The following KATNAL2 variants were observed in gnomAD, a reference collection of about 807,000 sequenced individuals.
KATNAL2 encodes the protein katanin catalytic subunit A1 like 2.
In KATNAL2, 52 loss-of-function variants were observed where a neutral mutation model predicts 76.3. The ratio of observed to expected loss-of-function variants is 0.68; its 90% CI spans 0.55 to 0.86. The LOEUF is 0.86. KATNAL2 is among the 40% of genes least tolerant of loss of function. The pLI is 0.00. For synonymous variants in KATNAL2, 243 were observed against 244.2 expected, an observed-to-expected ratio of 1.00 and a Z score of 0.05; for missense variants, 660 against 668.9, an observed-to-expected ratio of 0.99 and a Z score of 0.15.
intron 3 of KATNAL2, among the ~76,000 whole-genome samples, chr18:46,958,306 G>A (rs1431196592): frequency 6.6e-6 from 1 of 151,760 alleles, no homozygotes; most frequent in Admixed American, 6.6e-5. Context: ...CAGATCTTGG[G>A]ACCTGTCAGC....
chr18:46,951,242 T>G (rs1192591640), intron 3 of KATNAL2, among the ~76,000 whole-genome samples: 1 of 152,144 alleles, frequency 6.6e-6, no homozygotes, highest in African/African-American at 2.4e-5. Context: ...TTTGGTTATA[T>G]TTTATATTTT....
rs1437168564 is a variant in KATNAL2 at position 47,033,337 on chromosome 18, C to T, written c.52-13120C>T. Reference sequence around the variant, plus strand: ...AGGCGTCTTGGCCACAGATTTGAAACAGATCATCTTTGCCTCTCTGCCGTT... The same window carrying T: ...AGGCGTCTTGGCCACAGATTTGAAATAGATCATCTTTGCCTCTCTGCCGTT... On this transcript the variant is annotated intron_variant, in intron 3 of 17. Transcript: ENST00000683218. 1.3e-5 allele frequency: 21 copies of T among 1,613,964 alleles called. No individual in the cohort carries two copies. The highest frequency in any genetic ancestry group is 1.8e-5 in the Non-Finnish European group (21 of 1,180,042).
intron 3 of KATNAL2, among the ~76,000 whole-genome samples, chr18:46,953,739 A>C (rs534204058): frequency 1.4e-5 from 2 of 147,880 alleles, no homozygotes; most frequent in Non-Finnish European, 3.0e-5. Flanking sequence ...CCTAGGCGAC[A>C]CATGGAGACC....
At chr18:47,045,172 A>G (rs4986207) in intron 3 of KATNAL2, among the ~76,000 whole-genome samples, 23,038 of 152,162 alleles carry the variant, frequency 0.15, 2,086 homozygotes, top group Non-Finnish European at 0.21. Context: ...CCACAATAAA[A>G]AAGCAACTTA....
At chr18:46,925,059 T>A (rs1198372101) in intron 1 of KATNAL2, among the ~76,000 whole-genome samples, 1 of 152,138 alleles carries the variant, frequency 6.6e-6, no homozygotes, top group African/African-American at 2.4e-5. Context: ...CTTTTCCCAA[T>A]TGAATACCCT....
chr18:46,928,502 G>T (rs1325735192), intron 1 of KATNAL2, among the ~76,000 whole-genome samples: 1 of 152,168 alleles, frequency 6.6e-6, no homozygotes, highest in Non-Finnish European at 1.5e-5. Context: ...CTACTGGGGG[G>T]TGCCTGCCAG....
chr18:47,058,834 A>G (rs2061544521), intron 7 of KATNAL2, among the ~76,000 whole-genome samples: 1 of 152,142 alleles, frequency 6.6e-6, no homozygotes, highest in African/African-American at 2.4e-5. Context: ...CAAATCGCAC[A>G]TGGTCAGCCC....
In KATNAL2 at chr18:47,059,594, C is replaced by T. The variant is rs768398410; in HGVS notation, c.489C>T (p.Phe163=). The change falls in exon 8 of 18, where the codon TTC becomes TTT. Residue 163 remains phenylalanine (F), a synonymous_variant. Coordinates refer to ENST00000683218, the MANE Select transcript of KATNAL2 (RefSeq NM_001387690.1). ...ACACTCGCCTGGAAAGTGCCAACTT[C>T]GGCCTACATATATCAAGAATCCGTA... The part of the protein sequence containing the change: ...VDNTRLESAN[F]GLHISRIRKD... 8.9e-5 allele frequency: 144 copies of T among 1,613,534 alleles called. No homozygotes were observed. The highest frequency in any genetic ancestry group is 6.6e-4 in the Middle Eastern group (4 of 6,080).
At chr18:46,954,829 A>G (rs763923254) in intron 3 of KATNAL2, among the ~76,000 whole-genome samples, 3 of 151,288 alleles carry the variant, frequency 2.0e-5, no homozygotes, top group Non-Finnish European at 4.4e-5. Flanking sequence ...TTTTATTTTT[A>G]TTTTTGGTAG....
intron 3 of KATNAL2, among the ~76,000 whole-genome samples, chr18:47,038,360 T>C (rs1388472610): frequency 2.0e-5 from 3 of 152,226 alleles, no homozygotes; most frequent in Non-Finnish European, 4.4e-5. Context: ...TTGAAGGAAA[T>C]AATTCTGACA....
intron 15 of KATNAL2, among the ~76,000 whole-genome samples, chr18:47,094,719 A>G (rs536722598): frequency 6.6e-6 from 1 of 152,300 alleles, no homozygotes; most frequent in Non-Finnish European, 1.5e-5. Flanking sequence ...GATTCTTGCA[A>G]TCTCCTGCCT....
chr18:47,074,873 C>T (rs1599769862), intron 13 of KATNAL2, among the ~76,000 whole-genome samples: 3 of 152,116 alleles, frequency 2.0e-5, no homozygotes, highest in South Asian at 4.1e-4. Flanking sequence ...TCCCATTGTT[C>T]CCAAAGATTA....
At chr18:47,078,146 C>T (rs1202402570) in intron 15 of KATNAL2, among the ~76,000 whole-genome samples, 1 of 152,080 alleles carries the variant, frequency 6.6e-6, no homozygotes, top group East Asian at 1.9e-4. Flanking sequence ...GCTGTTCTTC[C>T]CATTCTCAGA....
At chr18:47,035,859 G>A (rs2060751239) in intron 3 of KATNAL2, among the ~76,000 whole-genome samples, 3 of 152,180 alleles carry the variant, frequency 2.0e-5, no homozygotes, top group Admixed American at 2.0e-4. Context: ...AACACAGCAA[G>A]ACAAAATCAT....
At chr18:47,076,797 T>TTATA (rs35925389) in intron 14 of KATNAL2, among the ~76,000 whole-genome samples, 137 of 145,394 alleles carry the variant, frequency 9.4e-4, no homozygotes, top group East Asian at 6.6e-3. Flanking sequence ...AATAAATAAA[T>TTATA]TATATATATA....
At chr18:46,954,326 C>CTTTTT (rs57075892) in intron 3 of KATNAL2, among the ~76,000 whole-genome samples, 3 of 121,134 alleles carry the variant, frequency 2.5e-5, no homozygotes, top group African/African-American at 6.3e-5. Context: ...TCTTCTTCGT[C>CTTTTT]TTTTTTTTTT....
chr18:47,088,466 A>G (rs1166013052), intron 15 of KATNAL2, among the ~76,000 whole-genome samples: 1 of 152,174 alleles, frequency 6.6e-6, no homozygotes, highest in Non-Finnish European at 1.5e-5. Context: ...CATAAACATA[A>G]TTTATTTTAC....
chr18:47,081,052 CCCT>C (rs1026914197), intron 15 of KATNAL2, among the ~76,000 whole-genome samples: 15 of 150,916 alleles, frequency 9.9e-5, no homozygotes, highest in African/African-American at 3.2e-4. Flanking sequence ...TTCCTTCCTT[CCCT>C]CTTCTTTCTT....
chr18:46,952,404 T>G (rs1307237497), intron 3 of KATNAL2, among the ~76,000 whole-genome samples: 2 of 138,624 alleles, frequency 1.4e-5, no homozygotes, highest in Non-Finnish European at 3.1e-5. Flanking sequence ...TTTTTTTTTT[T>G]TTTTTTTTTT....
Sources: gnomAD v4.1 joint callset for allele counts (sites outside exome capture counted in the v4.1 genomes callset) on GRCh38, gnomAD v4.1.1 for gene constraint, MANE v1.5 for transcripts, NCBI Gene and HGNC (gene_info 2026-07-23, HGNC 2026-07-21) for gene names.